Variants in SPOCK3 observed in about 807,000 individuals in gnomAD.
SPOCK3 encodes SPARC (osteonectin), cwcv and kazal like domains proteoglycan 3, also known as testican-3.
Under a neutral mutation model 56.6 loss-of-function variants are expected in SPOCK3, and 30 were observed. That is an observed-to-expected ratio of 0.53 (90% CI 0.40 to 0.72). The LOEUF (loss-of-function observed/expected upper bound fraction) is 0.72, where lower values mean the gene tolerates loss of function less well. SPOCK3 is among the 30% of genes least tolerant of loss of function. The pLI is 0.00. For synonymous variants in SPOCK3, 196 were observed against 183.3 expected, an observed-to-expected ratio of 1.07 and a Z score of -0.56; for missense variants, 527 against 530.0, an observed-to-expected ratio of 0.99 and a Z score of 0.06.
At chr4:167,081,952 T>G (rs1277166922) in intron 2 of SPOCK3, among the ~76,000 whole-genome samples, 23 of 152,082 alleles carry the variant, frequency 1.5e-4, no homozygotes, top group Admixed American at 1.5e-3. Flanking sequence ...TAGTACAGTT[T>G]TGTTCCTCCC....
At chr4:166,896,881 C>T (rs1410215157) in intron 5 of SPOCK3, among the ~76,000 whole-genome samples, 1 of 152,076 alleles carries the variant, frequency 6.6e-6, no homozygotes, top group Admixed American at 6.6e-5. Context: ...GGTGGGTTTA[C>T]CATCAGGACT....
intron 2 of SPOCK3, among the ~76,000 whole-genome samples, chr4:167,064,159 T>C (rs1755876366): frequency 1.3e-5 from 2 of 151,838 alleles, no homozygotes; most frequent in South Asian, 4.1e-4. Flanking sequence ...TTAATGTGAC[T>C]AACAGTTAAT....
intron 8 of SPOCK3, among the ~76,000 whole-genome samples, chr4:166,751,394 C>A (rs946735943): frequency 6.6e-6 from 1 of 152,060 alleles, no homozygotes; most frequent in Non-Finnish European, 1.5e-5. Context: ...TGATGTTATT[C>A]GTACTGAATA....
At chr4:166,919,342 C>A (rs990052496) in intron 4 of SPOCK3, among the ~76,000 whole-genome samples, 2 of 152,144 alleles carry the variant, frequency 1.3e-5, no homozygotes, top group African/African-American at 4.8e-5. Flanking sequence ...GCACCAATTT[C>A]TTTGAACAGA....
At chr4:167,205,413 TTAAA>T (rs1414951890) in intron 2 of SPOCK3, among the ~76,000 whole-genome samples, 4 of 48,074 alleles carry the variant, frequency 8.3e-5, no homozygotes, top group African/African-American at 3.5e-4. Context: ...ATATTATATA[TTAAA>T]TATATAATAT....
chr4:166,771,211 A>G (rs1738891480), intron 7 of SPOCK3, among the ~76,000 whole-genome samples: 1 of 151,798 alleles, frequency 6.6e-6, no homozygotes, highest in Non-Finnish European at 1.5e-5. Flanking sequence ...TGTAGCCTCA[A>G]AAGAATCATA....
chr4:166,799,278 T>C (rs1304643), intron 6 of SPOCK3, among the ~76,000 whole-genome samples: 39,595 of 152,124 alleles, frequency 0.26, 6,424 homozygotes, highest in East Asian at 0.73. Context: ...TTTGGCTTAT[T>C]GTTGATAATG....
intron 2 of SPOCK3, among the ~76,000 whole-genome samples, chr4:167,078,938 C>A (rs1316439474): frequency 6.6e-6 from 1 of 151,776 alleles, no homozygotes; most frequent in African/African-American, 2.4e-5. Context: ...GCTTTGTACT[C>A]AATACAGTTC....
chr4:167,194,906 C>T (rs1186103162), intron 2 of SPOCK3, among the ~76,000 whole-genome samples: 2 of 152,126 alleles, frequency 1.3e-5, no homozygotes, highest in Non-Finnish European at 2.9e-5. Context: ...TGGGAGGTCT[C>T]CCATTCGGTC....
Position 166,843,712 on chromosome 4 carries a change from G to T in SPOCK3, c.589+45418C>A, listed in dbSNP as rs184304241. Among the ~76,000 whole-genome samples, 766 of 152,270 alleles carry T rather than the reference G, an allele frequency of 5.0e-3. 1 individual carries two copies. Among genetic ancestry groups the T allele is most frequent in the Middle Eastern group, 0.017 (5 of 294 alleles). ...TTGGCTCTGAATCTACAGAAACTGTGATGTACTAAATGCAAGTTGTTTGAA... is the reference window on the plus strand; with the variant it reads ...TTGGCTCTGAATCTACAGAAACTGTTATGTACTAAATGCAAGTTGTTTGAA... On this transcript the variant is annotated intron_variant, in intron 6 of 10. Coordinates refer to ENST00000357545, the MANE Select transcript of SPOCK3 (RefSeq NM_001040159.2).
At chr4:167,094,717 CAAAGT>C (rs1758999499) in intron 2 of SPOCK3, among the ~76,000 whole-genome samples, 1 of 152,004 alleles carries the variant, frequency 6.6e-6, no homozygotes, top group African/African-American at 2.4e-5. Flanking sequence ...AGATCAGAAA[CAAAGT>C]AAATTATGTC....
At chr4:166,942,037 A>C (rs1354382990) in intron 4 of SPOCK3, among the ~76,000 whole-genome samples, 3 of 152,234 alleles carry the variant, frequency 2.0e-5, no homozygotes, top group African/African-American at 7.2e-5. Flanking sequence ...ACAGAAATAA[A>C]AAAAACTGTT....
chr4:167,154,745 A>C (rs1193057431), intron 2 of SPOCK3, among the ~76,000 whole-genome samples: 1 of 152,208 alleles, frequency 6.6e-6, no homozygotes, highest in Non-Finnish European at 1.5e-5. Context: ...GAATGACTAC[A>C]GATTTTCAGG....
rs763191663 is a variant in SPOCK3 at position 166,734,920 on chromosome 4, A to G, written c.*1T>C. On this transcript the variant is annotated 3_prime_UTR_variant, in exon 11 of 11. Transcript: ENST00000357545. ...AATTTATTGATTTCAACTGTCATCAATCAAATGTATACATCATGGTCATCA... is the reference window on the plus strand; with the variant it reads ...AATTTATTGATTTCAACTGTCATCAGTCAAATGTATACATCATGGTCATCA... 1.3e-5 allele frequency: 20 copies of G among 1,520,810 alleles called. No individual in the cohort carries two copies. In the Admixed American group the frequency reaches 3.3e-4, roughly 25 times the overall value. The allele number at this position is 1,520,810 out of a possible 1,614,324, so 94.2% of individuals were successfully genotyped here. A position where few individuals can be genotyped will look rare whatever the true frequency, so the allele number is the denominator to read the frequency against.
At chr4:167,217,250 C>G (rs1254612080) in intron 2 of SPOCK3, among the ~76,000 whole-genome samples, 1 of 151,984 alleles carries the variant, frequency 6.6e-6, no homozygotes, top group African/African-American at 2.4e-5. Context: ...ACAGTTGACC[C>G]TCTGTATCCA....
intron 2 of SPOCK3, among the ~76,000 whole-genome samples, chr4:167,200,380 T>C (rs1209759538): frequency 6.6e-6 from 1 of 152,056 alleles, no homozygotes; most frequent in Non-Finnish European, 1.5e-5. Flanking sequence ...TTATGTTGTT[T>C]AAGGATGGCA....
intron 3 of SPOCK3, among the ~76,000 whole-genome samples, chr4:167,018,476 T>A (rs1303426637): frequency 6.6e-6 from 1 of 152,118 alleles, no homozygotes; most frequent in Non-Finnish European, 1.5e-5. Flanking sequence ...TTTGTGATTC[T>A]ATAGCCATTC....
At chr4:166,776,285 T>C (rs1364829045) in intron 7 of SPOCK3, among the ~76,000 whole-genome samples, 3 of 151,872 alleles carry the variant, frequency 2.0e-5, no homozygotes, top group Non-Finnish European at 4.4e-5. Flanking sequence ...TGGTGGTGGG[T>C]GCCTGTAGTC....
chr4:166,893,716 AAAAC>A (rs1735039444), intron 5 of SPOCK3, among the ~76,000 whole-genome samples: 1 of 152,180 alleles, frequency 6.6e-6, no homozygotes, highest in Admixed American at 6.6e-5. Flanking sequence ...ATTCAAGTGA[AAAAC>A]AAATCAGAAA....
Sources: gnomAD v4.1 joint callset for allele counts (sites outside exome capture counted in the v4.1 genomes callset) on GRCh38, gnomAD v4.1.1 for gene constraint, MANE v1.5 for transcripts, NCBI Gene and HGNC (gene_info 2026-07-23, HGNC 2026-07-21) for gene names.